Variants in KCNQ5 observed in about 807,000 individuals in gnomAD.
KCNQ5 encodes potassium voltage-gated channel subfamily KQT member 5.
In KCNQ5, 30 loss-of-function variants were observed where a neutral mutation model predicts 98.2. The ratio of observed to expected loss-of-function variants is 0.31; its 90% confidence interval spans 0.23 to 0.41. The LOEUF is 0.41. Among genes scored for constraint, KCNQ5 ranks in the 10% least tolerant of loss-of-function variants. The pLI is 1.00. For missense variants in KCNQ5, 835 were observed against 1,182.5 expected, an observed-to-expected ratio of 0.71 and a Z score of 4.31; for synonymous variants, 458 against 449.4, an observed-to-expected ratio of 1.02 and a Z score of -0.24.
chr6:72,622,428 G>A lies in KCNQ5; in HGVS notation c.239G>A (p.Arg80Gln), dbSNP rs780156831. 4 of 1,544,086 alleles carry A rather than the reference G, an allele frequency of 2.6e-6. No homozygotes were observed. The highest frequency in any genetic ancestry group is 3.5e-6 in the Non-Finnish European group (4 of 1,144,848). ...GGCGGTGGCCTGAGGGAGAGCCGCC[G>A]GGGCAAGCAGGGGGCCCGGATGAGC... ...GGGGGLRESR[R>Q]GKQGARMSLL... The change falls in exon 1 of 14, where the codon CGG becomes CAG. Residue 80 changes from arginine (R) to glutamine (Q), a missense_variant. By Grantham distance (43) the Arg-to-Gln change is conservative. This residue lies in a region of KCNQ5 where 54 missense variants were observed against 51.5 expected (regional missense o/e 1.05). Transcript: ENST00000370398. This position sits in a 1 kb window ranked among gnomAD's most constrained non-coding sequence, Gnocchi z 6.0.
chr6:73,049,069 G>A (rs1449153654), intron 3 of KCNQ5, among the ~76,000 whole-genome samples: 1 of 152,190 alleles, frequency 6.6e-6, no homozygotes, highest in African/African-American at 2.4e-5. Flanking sequence ...CAATTTGCCA[G>A]TATGAGTCCC....
chr6:72,915,465 C>T (rs1780095528), intron 1 of KCNQ5, among the ~76,000 whole-genome samples: 1 of 152,074 alleles, frequency 6.6e-6, no homozygotes, highest in Non-Finnish European at 1.5e-5. Context: ...AAGAATCCAA[C>T]AAAATTGATC....
chr6:72,634,149 G>T (rs1441307042), intron 1 of KCNQ5, among the ~76,000 whole-genome samples: 1 of 151,972 alleles, frequency 6.6e-6, no homozygotes. Flanking sequence ...ACTACTTTGG[G>T]GTCTAGTATA....
chr6:73,151,426 G>T (rs1211798245), intron 10 of KCNQ5, among the ~76,000 whole-genome samples: 1 of 152,118 alleles, frequency 6.6e-6, no homozygotes, highest in African/African-American at 2.4e-5. Context: ...TCCTTCTGCA[G>T]ACCCTCCCAA....
intron 1 of KCNQ5, among the ~76,000 whole-genome samples, chr6:72,823,547 C>T (rs1206755754): frequency 2.6e-5 from 4 of 152,090 alleles, no homozygotes; most frequent in African/African-American, 9.7e-5. Flanking sequence ...AGTATTTGAA[C>T]ATAAACACTT....
At chr6:72,697,929 G>C (rs1446419741) in intron 1 of KCNQ5, among the ~76,000 whole-genome samples, 2 of 152,094 alleles carry the variant, frequency 1.3e-5, no homozygotes, top group Non-Finnish European at 2.9e-5. Flanking sequence ...TTTTCAAAGT[G>C]TATCAACTGG....
At chr6:73,139,986 C>G (rs1295241285) in intron 10 of KCNQ5, among the ~76,000 whole-genome samples, 1 of 149,232 alleles carries the variant, frequency 6.7e-6, no homozygotes, top group Non-Finnish European at 1.5e-5. Flanking sequence ...GATAGTTCAT[C>G]CCCTTCCTCT....
At chr6:72,814,817 G>A (rs1775421877) in intron 1 of KCNQ5, among the ~76,000 whole-genome samples, 1 of 152,112 alleles carries the variant, frequency 6.6e-6, no homozygotes, top group Non-Finnish European at 1.5e-5. Context: ...GGTTATTTTT[G>A]CATGCATTTC....
chr6:72,640,333 G>A (rs115737457), intron 1 of KCNQ5, among the ~76,000 whole-genome samples: 1,781 of 142,112 alleles, frequency 0.013, 41 homozygotes, highest in African/African-American at 0.044. Context: ...TAATTGCTGG[G>A]CAAAAAAAAA....
chr6:72,951,746 G>A (rs1005236278), intron 1 of KCNQ5, among the ~76,000 whole-genome samples: 11 of 152,084 alleles, frequency 7.2e-5, no homozygotes, highest in African/African-American at 2.7e-4. Context: ...ACATCCTATA[G>A]AAGAGATACT....
intron 1 of KCNQ5, among the ~76,000 whole-genome samples, chr6:72,834,388 G>T (rs1388442993): frequency 6.6e-6 from 1 of 152,050 alleles, no homozygotes; most frequent in African/African-American, 2.4e-5. Context: ...TGGATATTAT[G>T]GATATTCATC....
intron 1 of KCNQ5, among the ~76,000 whole-genome samples, chr6:72,927,379 T>C (rs1468381418): frequency 6.6e-6 from 1 of 152,152 alleles, no homozygotes; most frequent in Non-Finnish European, 1.5e-5. Flanking sequence ...GATTTGTTTA[T>C]ACTACAAATC....
At chr6:73,141,578 A>G (rs1027094911) in intron 10 of KCNQ5, among the ~76,000 whole-genome samples, 2 of 152,180 alleles carry the variant, frequency 1.3e-5, no homozygotes, top group African/African-American at 4.8e-5. Context: ...GGAAAATTAT[A>G]TTCTGTTTCT....
At chr6:72,796,729 C>T (rs980643265) in intron 1 of KCNQ5, among the ~76,000 whole-genome samples, 9 of 152,068 alleles carry the variant, frequency 5.9e-5, no homozygotes, top group Non-Finnish European at 8.8e-5. Context: ...CTTTGCTGAC[C>T]CATGAAAGCT....
intron 1 of KCNQ5, among the ~76,000 whole-genome samples, chr6:72,713,138 A>G (rs1450658305): frequency 6.6e-6 from 1 of 152,194 alleles, no homozygotes; most frequent in Non-Finnish European, 1.5e-5. Flanking sequence ...TGCAATTCCT[A>G]ATATCAGGTT....
intron 1 of KCNQ5, among the ~76,000 whole-genome samples, chr6:72,737,658 A>G: frequency 6.6e-6 from 1 of 152,196 alleles, no homozygotes; most frequent in East Asian, 1.9e-4. Flanking sequence ...TTACTTTTGT[A>G]TCATATATTT....
rs553956438 is a variant in KCNQ5, at chr6:72,970,086, C to G, written c.399-33822C>G. 2.0e-4 allele frequency among the ~76,000 whole-genome samples: 31 copies of G among 152,090 alleles called. No homozygotes were observed. The South Asian group carries it at 4.1e-3, about 20-fold the overall frequency. ...CCTGCTTGGGCAACATAGCAAGACCCTATCTCTAAAAAAATAAAATAAATT... is the reference window on the plus strand; with the variant it reads ...CCTGCTTGGGCAACATAGCAAGACCGTATCTCTAAAAAAATAAAATAAATT... On this transcript the variant is annotated intron_variant, in intron 1 of 13. Coordinates refer to ENST00000370398, the MANE Select transcript of KCNQ5 (RefSeq NM_019842.4).
At chr6:72,838,699 C>A (rs901837313) in intron 1 of KCNQ5, among the ~76,000 whole-genome samples, 3 of 151,558 alleles carry the variant, frequency 2.0e-5, no homozygotes, top group Admixed American at 6.6e-5. Context: ...GCCTGTAATC[C>A]CAGCACTTTG....
At chr6:73,052,063 GA>G (rs1176540244) in intron 3 of KCNQ5, among the ~76,000 whole-genome samples, 1 of 152,142 alleles carries the variant, frequency 6.6e-6, no homozygotes, top group Non-Finnish European at 1.5e-5. Context: ...TGATAGAGCT[GA>G]AAAACTCACT....
Sources: gnomAD v4.1 joint callset for allele counts (sites outside exome capture counted in the v4.1 genomes callset) on GRCh38, gnomAD v4.1.1 for gene constraint, gnomAD v4.1.1 regional missense constraint, Gnocchi (gnomAD v3.1) non-coding constraint, MANE v1.5 for transcripts, NCBI Gene and HGNC (gene_info 2026-07-23, HGNC 2026-07-21) for gene names.